Variants in RETREG1 observed in about 807,000 individuals in gnomAD.
RETREG1 encodes family with sequence similarity 134 member B.
Under a neutral mutation model 54.8 loss-of-function variants are expected in RETREG1, and 44 were observed. The ratio of observed to expected loss-of-function variants is 0.80; its 90% CI spans 0.63 to 1.03. RETREG1 has a LOEUF of 1.03. Among genes scored for constraint, RETREG1 ranks in the 50% least tolerant of loss-of-function variants. The probability of loss-of-function intolerance (pLI) is 0.00; values close to 1 mark genes in which losing one functional copy is unlikely to be tolerated. For missense variants in RETREG1, 554 were observed against 605.1 expected (o/e 0.92, Z 0.89); for synonymous variants, 217 against 238.5 (o/e 0.91, Z 0.83).
rs757099877 is a variant in RETREG1 at position 16,572,106 on chromosome 5, C to T, written c.321-4G>A. Reference sequence around the variant, plus strand: ...CCATGGAGTCAATGCAAGGAACCTGCAACAGCGAAACACAAATCAGTATTT... The same window carrying T: ...CCATGGAGTCAATGCAAGGAACCTGTAACAGCGAAACACAAATCAGTATTT... On this transcript the variant is annotated splice_region_variant and splice_polypyrimidine_tract_variant and intron_variant, in intron 1 of 8. Coordinates refer to ENST00000306320, the MANE Select transcript of RETREG1 (RefSeq NM_001034850.3). 12 of 1,598,484 alleles carry T rather than the reference C, an allele frequency of 7.5e-6. No individual in the cohort carries two copies. In the East Asian group the frequency reaches 1.3e-4, roughly 18 times the overall value.
At chr5:16,486,564 AC>A (rs1322784762) in intron 3 of RETREG1, among the ~76,000 whole-genome samples, 2 of 152,210 alleles carry the variant, frequency 1.3e-5, no homozygotes, top group Non-Finnish European at 2.9e-5. Context: ...GTGAAATCCA[AC>A]TTTTTGCAGC....
chr5:16,503,821 GGT>G (rs1470233820), intron 3 of RETREG1, among the ~76,000 whole-genome samples: 3 of 152,128 alleles, frequency 2.0e-5, no homozygotes, highest in Non-Finnish European at 4.4e-5. Flanking sequence ...CACAATCAAT[GGT>G]ATATTGGGAC....
chr5:16,486,151 TTG>T (rs898106501), intron 3 of RETREG1, among the ~76,000 whole-genome samples: 3 of 152,202 alleles, frequency 2.0e-5, no homozygotes, highest in African/African-American at 7.2e-5. Context: ...GAGAAATTCA[TTG>T]TGTACAACCT....
At chr5:16,536,479 C>T (rs1741076325) in intron 3 of RETREG1, among the ~76,000 whole-genome samples, 1 of 152,134 alleles carries the variant, frequency 6.6e-6, no homozygotes, top group Non-Finnish European at 1.5e-5. Flanking sequence ...CCTCACCAAG[C>T]AGGAATCGCC....
At chr5:16,501,959 C>CTT (rs34047511) in intron 3 of RETREG1, among the ~76,000 whole-genome samples, 1 of 136,586 alleles carries the variant, frequency 7.3e-6, no homozygotes, top group African/African-American at 2.7e-5. Flanking sequence ...ATTAAGTAAG[C>CTT]TTTTTTTTTT....
intron 1 of RETREG1, among the ~76,000 whole-genome samples, chr5:16,598,743 C>G (rs550586274): frequency 6.6e-6 from 1 of 152,198 alleles, no homozygotes; most frequent in Admixed American, 6.6e-5. Context: ...TTATAACCAT[C>G]CTTTGTAAGT....
intron 3 of RETREG1, among the ~76,000 whole-genome samples, chr5:16,521,434 G>A (rs1476405409): frequency 6.6e-6 from 1 of 152,200 alleles, no homozygotes; most frequent in Non-Finnish European, 1.5e-5. Flanking sequence ...CTTCTAAGGT[G>A]ATACGGCTTG....
intron 3 of RETREG1, among the ~76,000 whole-genome samples, chr5:16,510,726 G>A (rs368797007): frequency 6.7e-6 from 1 of 148,852 alleles, no homozygotes; most frequent in African/African-American, 2.5e-5. Flanking sequence ...GGAGGCGGAG[G>A]TTGCTGTAAG....
At chr5:16,549,166 G>C (rs893386614) in intron 3 of RETREG1, among the ~76,000 whole-genome samples, 4 of 152,172 alleles carry the variant, frequency 2.6e-5, no homozygotes, top group African/African-American at 9.7e-5. Flanking sequence ...TTCTGATACT[G>C]ATAAAATTAT....
chr5:16,568,483 G>A (rs1043421374), intron 2 of RETREG1, among the ~76,000 whole-genome samples: 5 of 152,102 alleles, frequency 3.3e-5, no homozygotes, highest in African/African-American at 9.7e-5. Flanking sequence ...ATGTTGACCA[G>A]GCTGGTCTCA....
chr5:16,495,374 G>A (rs1579604951), intron 3 of RETREG1, among the ~76,000 whole-genome samples: 1 of 152,290 alleles, frequency 6.6e-6, no homozygotes, highest in Admixed American at 6.5e-5. Context: ...TCAATGAAAA[G>A]CCCCATTGTC....
At chr5:16,491,277 C>T (rs1025533238) in intron 3 of RETREG1, among the ~76,000 whole-genome samples, 5 of 152,212 alleles carry the variant, frequency 3.3e-5, no homozygotes, top group Admixed American at 6.5e-5. Context: ...TTACCGACCA[C>T]GACCGTCGCA....
At position 16,543,885 on chromosome 5, in the gene RETREG1, T is replaced by G. The variant is rs563232914; in HGVS notation, c.458+21878A>C. 2.0e-5 allele frequency among the ~76,000 whole-genome samples: 3 copies of G among 152,212 alleles called. No individual in the cohort carries two copies. In the South Asian group the frequency reaches 6.2e-4, roughly 32 times the overall value. ...TTCGCCACTTTACTGACTAATGATG[T>G]TGAGCATCTTTTTATGTGTTTATTT... On this transcript the variant is annotated intron_variant, in intron 3 of 8. Coordinates refer to ENST00000306320, the MANE Select transcript of RETREG1 (RefSeq NM_001034850.3).
At chr5:16,570,529 C>T (rs2126632372) in intron 2 of RETREG1, among the ~76,000 whole-genome samples, 1 of 152,254 alleles carries the variant, frequency 6.6e-6, no homozygotes, top group Non-Finnish European at 1.5e-5. Context: ...GCTTACTCTA[C>T]ACCAAGATAA....
At chr5:16,569,885 A>AG (rs1209882099) in intron 2 of RETREG1, among the ~76,000 whole-genome samples, 1 of 152,254 alleles carries the variant, frequency 6.6e-6, no homozygotes, top group East Asian at 1.9e-4. Flanking sequence ...AGAGAAGGTC[A>AG]GGTGAGCATG....
intron 3 of RETREG1, among the ~76,000 whole-genome samples, chr5:16,488,771 C>A (rs1025705587): frequency 1.3e-5 from 2 of 152,170 alleles, no homozygotes; most frequent in African/African-American, 4.8e-5. Flanking sequence ...AAATGCGGCT[C>A]TGGTCCTAAC....
At chr5:16,514,741 C>G (rs1740290819) in intron 3 of RETREG1, among the ~76,000 whole-genome samples, 1 of 151,776 alleles carries the variant, frequency 6.6e-6, no homozygotes, top group African/African-American at 2.4e-5. Context: ...GCCTCTGCGT[C>G]CTCATAGCTT....
intron 3 of RETREG1, among the ~76,000 whole-genome samples, chr5:16,548,008 A>C (rs898214464): frequency 1.3e-5 from 2 of 152,172 alleles, no homozygotes; most frequent in Non-Finnish European, 2.9e-5. Flanking sequence ...CTTATATCCT[A>C]TAAGTACATA....
intron 7 of RETREG1, 82 bp from the exon 8 acceptor site, chr5:16,477,870 A>T: frequency 6.5e-7 from 1 of 1,543,560 alleles, no homozygotes; most frequent in South Asian, 1.1e-5. Flanking sequence ...GAACCCCCAA[A>T]ATGACAGAGT....
Sources: allele counts gnomAD v4.1 joint callset (sites outside exome capture counted in the v4.1 genomes callset), GRCh38; gene constraint gnomAD v4.1.1; transcripts MANE v1.5; gene names NCBI Gene and HGNC (gene_info 2026-07-23, HGNC 2026-07-21).